Variants in MINDY4 observed in about 807,000 individuals in gnomAD.
MINDY4 encodes MINDY lysine 48 deubiquitinase 4.
In MINDY4, 68 loss-of-function variants were observed where a neutral mutation model predicts 87.0. That is an observed-to-expected ratio of 0.78 (90% CI 0.64 to 0.96). The LOEUF is 0.96. Among genes scored for constraint, MINDY4 ranks in the 40% least tolerant of loss-of-function variants. The pLI is 0.00. For synonymous variants in MINDY4, 379 were observed against 363.2 expected, an observed-to-expected ratio of 1.04 and a Z score of -0.50; for missense variants, 919 against 928.2, an observed-to-expected ratio of 0.99 and a Z score of 0.13.
intron 5 of MINDY4, among the ~76,000 whole-genome samples, chr7:30,805,744 T>C (rs1787787091): frequency 6.6e-6 from 1 of 151,998 alleles, no homozygotes. Context: ...TGGGAGGAGA[T>C]GAGGACATGT....
At chr7:30,815,978 G>A (rs1788135942) in intron 5 of MINDY4, among the ~76,000 whole-genome samples, 1 of 152,120 alleles carries the variant, frequency 6.6e-6, no homozygotes, top group South Asian at 2.1e-4. Context: ...AGAGTCAGGA[G>A]CTTAAAACTC....
chr7:30,817,866 G>C (rs1423303093), intron 5 of MINDY4, among the ~76,000 whole-genome samples: 1 of 152,188 alleles, frequency 6.6e-6, no homozygotes, highest in Non-Finnish European at 1.5e-5. Flanking sequence ...ATGATGTTCT[G>C]TTTCACGTGG....
At chr7:30,833,948 C>T (rs1241622958) in intron 6 of MINDY4, among the ~76,000 whole-genome samples, 1 of 152,264 alleles carries the variant, frequency 6.6e-6, no homozygotes, top group Non-Finnish European at 1.5e-5. Flanking sequence ...TCTTGGGCAG[C>T]TCTGCCCCTG....
Position 30,828,668 on chromosome 7 carries a change from C to A in MINDY4, c.1074-11C>A. 1 of 1,613,774 alleles carries A rather than the reference C, an allele frequency of 6.2e-7. No individual in the cohort carries two copies. The highest frequency in any genetic ancestry group is 8.5e-7 in the Non-Finnish European group (1 of 1,179,844). ...GTCTCCTCTGGTACATTGATATTTT[C>A]TATTTTCCAGGAAAAATCAGTTGCT... On this transcript the variant is annotated splice_polypyrimidine_tract_variant and intron_variant, in intron 5 of 17. Transcript: ENST00000265299.
At chr7:30,798,883 G>A (rs62446943) in intron 5 of MINDY4, among the ~76,000 whole-genome samples, 11,114 of 152,200 alleles carry the variant, frequency 0.073, 519 homozygotes, top group Middle Eastern at 0.13. Context: ...TGTGCTTGCA[G>A]TCCACACATG....
chr7:30,880,699 C>T (rs541071840), intron 15 of MINDY4, among the ~76,000 whole-genome samples: 22 of 152,292 alleles, frequency 1.4e-4, no homozygotes, highest in African/African-American at 5.3e-4. Flanking sequence ...GCACGTCCAG[C>T]CACGTCCTGT....
chr7:30,877,744 T>C (rs1432998442), intron 15 of MINDY4, among the ~76,000 whole-genome samples: 1 of 138,770 alleles, frequency 7.2e-6, no homozygotes, highest in East Asian at 2.3e-4. Flanking sequence ...TGATCTCAGC[T>C]CACTGCAACC....
intron 13 of MINDY4, among the ~76,000 whole-genome samples, chr7:30,869,391 A>G (rs976179499): frequency 1.3e-5 from 2 of 152,194 alleles, no homozygotes; most frequent in African/African-American, 4.8e-5. Flanking sequence ...GCATTTGAAG[A>G]AAGGGCTCTG....
intron 5 of MINDY4, among the ~76,000 whole-genome samples, chr7:30,796,124 T>A (rs202118398): frequency 0.2 from 30,611 of 151,236 alleles, 3,371 homozygotes; most frequent in Middle Eastern, 0.29. Flanking sequence ...CACTGTACTT[T>A]TTTTTTTTTT....
rs780520896 is a variant in MINDY4, at chr7:30,850,590, A to C, written c.1547+35A>C. On this transcript the variant is annotated intron_variant, in intron 10 of 17. Coordinates refer to ENST00000265299, the MANE Select transcript of MINDY4 (RefSeq NM_032222.3). ...TCCGAGGTCTGTGTTGCCGTGGCTC[A>C]TCGTCTGCTGGCAGCTGCCGGCAAG... The C allele has an allele frequency of 6.4e-6, 10 of 1,557,558 alleles. No homozygotes were observed. In the South Asian group the frequency reaches 1.1e-4, roughly 16 times the overall value.
At chr7:30,829,663 A>C (rs1002656233) in intron 6 of MINDY4, among the ~76,000 whole-genome samples, 6 of 152,196 alleles carry the variant, frequency 3.9e-5, no homozygotes, top group Non-Finnish European at 8.8e-5. Context: ...TACTCTGCCT[A>C]ACTGATCCTA....
At chr7:30,795,778 A>C (rs1787469179) in intron 5 of MINDY4, among the ~76,000 whole-genome samples, 1 of 152,150 alleles carries the variant, frequency 6.6e-6, no homozygotes. Flanking sequence ...TTCCAGGTTT[A>C]AGAGGCCACC....
At chr7:30,828,217 T>C (rs888141222) in intron 5 of MINDY4, among the ~76,000 whole-genome samples, 2 of 152,084 alleles carry the variant, frequency 1.3e-5, no homozygotes, top group African/African-American at 2.4e-5. Context: ...TATAGATAGC[T>C]GCTGATGGCT....
intron 5 of MINDY4, among the ~76,000 whole-genome samples, chr7:30,823,108 C>T (rs942980903): frequency 2.0e-5 from 3 of 151,994 alleles, no homozygotes; most frequent in African/African-American, 7.3e-5. Context: ...TTTCCTGTTA[C>T]ATCACATCAG....
chr7:30,791,580 T>C lies in MINDY4; in HGVS notation c.1073+6T>C, dbSNP rs753870329. The C allele has an allele frequency of 6.2e-7, 1 of 1,604,714 alleles. No individual in the cohort carries two copies. The highest frequency in any genetic ancestry group is 8.5e-7 in the Non-Finnish European group (1 of 1,175,234). The stretch of plus-strand genomic sequence containing the variant: ...AGCCAGCCCGCACCTGTCAGGTGAG[T>C]GTGCTATGCAAAGGTGACGGCTTTT... On this transcript the variant is annotated splice_donor_region_variant and intron_variant, in intron 5 of 17. Transcript: ENST00000265299.
chr7:30,803,240 C>T (rs1192641829), intron 5 of MINDY4: 2 of 152,246 alleles, frequency 1.3e-5, no homozygotes, highest in Non-Finnish European at 1.5e-5. Context: ...TCCTGCTGGA[C>T]TGTCAGCTGC....
intron 10 of MINDY4, among the ~76,000 whole-genome samples, chr7:30,850,915 C>T (rs1789395827): frequency 6.6e-6 from 1 of 152,200 alleles, no homozygotes; most frequent in South Asian, 2.1e-4. Context: ...GAAATAGCCC[C>T]TCAGGTTGAG....
intron 5 of MINDY4, among the ~76,000 whole-genome samples, chr7:30,816,310 G>A (rs10267170): frequency 3.2e-4 from 49 of 151,846 alleles, no homozygotes; most frequent in Admixed American, 2.2e-3. Context: ...TGGTAAATTT[G>A]TTCTCCGTTC....
At chr7:30,810,294 A>C (rs1770043004) in intron 5 of MINDY4, among the ~76,000 whole-genome samples, 3 of 151,850 alleles carry the variant, frequency 2.0e-5, no homozygotes, top group Non-Finnish European at 4.4e-5. Context: ...TTATGCAAGA[A>C]ATGTTGTATA....
Sources: allele counts gnomAD v4.1 joint callset (sites outside exome capture counted in the v4.1 genomes callset), GRCh38; gene constraint gnomAD v4.1.1; transcripts MANE v1.5; gene names NCBI Gene and HGNC (gene_info 2026-07-23, HGNC 2026-07-21).